CDH18: variants seen among roughly 807,000 people sequenced by gnomAD.
CDH18 encodes cadherin 18, also known as cadherin-18.
A neutral mutation model predicts 67.9 loss-of-function variants in CDH18; 31 were observed. The ratio of observed to expected loss-of-function variants is 0.46; its 90% CI spans 0.34 to 0.62. CDH18 has a LOEUF of 0.62. Ranked by LOEUF, CDH18 falls within the 20% of genes least tolerant of loss-of-function variation. The pLI, the probability that CDH18 is intolerant of heterozygous loss-of-function variation, is 0.01. For missense variants in CDH18, 890 were observed against 975.5 expected (o/e 0.91, Z 1.17); for synonymous variants, 362 against 347.2 (o/e 1.04, Z -0.48).
At chr5:20,459,293 G>T (rs570391159) in intron 1 of CDH18, among the ~76,000 whole-genome samples, 172 of 152,250 alleles carry the variant, frequency 1.1e-3, no homozygotes, top group African/African-American at 4.1e-3. Context: ...TATGTTTCCT[G>T]TGGCCTTCCA....
chr5:19,492,669 T>C (rs900958725), intron 11 of CDH18, among the ~76,000 whole-genome samples: 1 of 152,122 alleles, frequency 6.6e-6, no homozygotes, highest in African/African-American at 2.4e-5. Context: ...AAAGTTATGT[T>C]ATTACCAACA....
At chr5:20,519,737 G>C (rs554812387) in intron 1 of CDH18, among the ~76,000 whole-genome samples, 5 of 150,548 alleles carry the variant, frequency 3.3e-5, no homozygotes, top group Middle Eastern at 3.4e-3. Context: ...TTTTTTTTAA[G>C]TTGTAGGATC....
intron 3 of CDH18, among the ~76,000 whole-genome samples, chr5:19,821,841 G>T (rs2149949919): frequency 6.6e-6 from 1 of 152,092 alleles, no homozygotes; most frequent in African/African-American, 2.4e-5. Flanking sequence ...TTCCAAACAA[G>T]AATTTCATAT....
At chr5:20,377,495 T>A (rs965255657) in intron 1 of CDH18, among the ~76,000 whole-genome samples, 1 of 152,196 alleles carries the variant, frequency 6.6e-6, no homozygotes, top group African/African-American at 2.4e-5. Flanking sequence ...AGTCATTTCT[T>A]TACCAAAGTG....
intron 1 of CDH18, among the ~76,000 whole-genome samples, chr5:20,501,955 T>A (rs532646209): frequency 6.6e-6 from 1 of 151,024 alleles, no homozygotes; most frequent in East Asian, 2.0e-4. Context: ...AGAAATTGAG[T>A]TAGATTCTAA....
intron 5 of CDH18, among the ~76,000 whole-genome samples, chr5:19,660,145 G>A (rs533112625): frequency 7.2e-5 from 11 of 152,056 alleles, no homozygotes; most frequent in Admixed American, 2.6e-4. Flanking sequence ...TCTATAAGTC[G>A]TTTTAAAATG....
Position 19,473,242 on chromosome 5 carries a change from G to A in CDH18, c.2357C>T (p.Ser786Phe). 6.2e-7 allele frequency: 1 copy of A among 1,613,120 alleles called. No individual in the cohort carries two copies. Among genetic ancestry groups the A allele is most frequent in the Non-Finnish European group, 8.5e-7 (1 of 1,179,378 alleles). The change falls in exon 13 of 13, where the codon TCT (serine) becomes TTT (phenylalanine). Residue 786 changes from serine (S) to phenylalanine (F), a missense_variant. Around this residue, in one of 2 missense-constraint regions of CDH18, gnomAD observed 656 missense variants for 668.1 expected, o/e 0.98. Coordinates refer to ENST00000382275, the MANE Select transcript of CDH18 (RefSeq NM_004934.5). ...ACTGACCCCCTAAGTTGTTCTTTCA[G>A]ATTCTATTTCTCCATAGAGTTCAGC... ...KLAELYGEIESERTT is the reference protein window; with the variant it reads ...KLAELYGEIEFERTT
At chr5:19,855,954 T>A (rs1009945628) in intron 2 of CDH18, among the ~76,000 whole-genome samples, 1 of 152,212 alleles carries the variant, frequency 6.6e-6, no homozygotes, top group Non-Finnish European at 1.5e-5. Flanking sequence ...AAGACAGTTA[T>A]TATTTTCTCT....
chr5:19,624,047 C>A (rs1022510384), intron 5 of CDH18, among the ~76,000 whole-genome samples: 1 of 149,494 alleles, frequency 6.7e-6, no homozygotes, highest in African/African-American at 2.5e-5. Flanking sequence ...CACTCTTGTT[C>A]CCCCAGCTAG....
chr5:19,696,052 A>C, intron 5 of CDH18, among the ~76,000 whole-genome samples: 1 of 152,212 alleles, frequency 6.6e-6, no homozygotes, highest in East Asian at 1.9e-4. Flanking sequence ...AAAACTTTAA[A>C]ACTTATATCT....
intron 2 of CDH18, among the ~76,000 whole-genome samples, chr5:19,846,228 T>G (rs1175301294): frequency 6.6e-6 from 1 of 152,088 alleles, no homozygotes; most frequent in African/African-American, 2.4e-5. Context: ...TTCTTATAGT[T>G]ATAACAATCT....
intron 3 of CDH18, among the ~76,000 whole-genome samples, chr5:19,776,635 G>T (rs1774416542): frequency 6.6e-6 from 1 of 152,124 alleles, no homozygotes; most frequent in South Asian, 2.1e-4. Context: ...AAAATGAGTA[G>T]ATATAAAACC....
chr5:20,317,228 C>G (rs909184683), intron 1 of CDH18, among the ~76,000 whole-genome samples: 1 of 151,878 alleles, frequency 6.6e-6, no homozygotes, highest in Admixed American at 6.6e-5. Context: ...AATGTCAGAG[C>G]AGAACAAATT....
At chr5:19,774,464 G>T (rs1323531576) in intron 3 of CDH18, among the ~76,000 whole-genome samples, 1 of 29,866 alleles carries the variant, frequency 3.3e-5, no homozygotes, top group African/African-American at 7.3e-5. Flanking sequence ...ATAAATCATA[G>T]TAAGGGGAAA....
At chr5:19,549,219 C>T (rs140424274) in intron 8 of CDH18, among the ~76,000 whole-genome samples, 188 of 152,214 alleles carry the variant, frequency 1.2e-3, no homozygotes, top group African/African-American at 4.0e-3. Context: ...GCCCCATCCA[C>T]TTGGTGTTAA....
chr5:20,350,407 A>AT (rs1423413321), intron 1 of CDH18, among the ~76,000 whole-genome samples: 2 of 152,158 alleles, frequency 1.3e-5, no homozygotes, highest in Non-Finnish European at 2.9e-5. Context: ...TAGCTAATAG[A>AT]TTATAGACAC....
intron 2 of CDH18, among the ~76,000 whole-genome samples, chr5:20,095,466 A>G (rs981763880): frequency 3.8e-4 from 48 of 127,328 alleles, no homozygotes; most frequent in Middle Eastern, 3.9e-3. Flanking sequence ...GAAAGAAGAA[A>G]GAAGGAAGGA....
At chr5:20,343,833 G>GA (rs1740475664) in intron 1 of CDH18, among the ~76,000 whole-genome samples, 1 of 152,036 alleles carries the variant, frequency 6.6e-6, no homozygotes, top group African/African-American at 2.4e-5. Flanking sequence ...TCAGGAAATT[G>GA]ACAAACGAGT....
chr5:20,339,343 C>T (rs1293212461), intron 1 of CDH18, among the ~76,000 whole-genome samples: 1 of 152,140 alleles, frequency 6.6e-6, no homozygotes, highest in African/African-American at 2.4e-5. Flanking sequence ...GCAGCCGGAC[C>T]TTTTCTGCAA....
Sources: gnomAD v4.1 joint callset for allele counts (sites outside exome capture counted in the v4.1 genomes callset) on GRCh38, gnomAD v4.1.1 for gene constraint, gnomAD v4.1.1 regional missense constraint, MANE v1.5 for transcripts, NCBI Gene and HGNC (gene_info 2026-07-23, HGNC 2026-07-21) for gene names.